SLC23A2: variants seen among roughly 807,000 people sequenced by gnomAD.
The protein encoded by SLC23A2 is solute carrier family 23 member 2, also known as Na(+)/L-ascorbic acid transporter 2.
A neutral mutation model predicts 73.3 loss-of-function variants in SLC23A2; 36 were observed. The ratio of observed to expected loss-of-function variants is 0.49; its 90% CI spans 0.38 to 0.65. SLC23A2 has a LOEUF of 0.65. Among genes scored for constraint, SLC23A2 ranks in the 30% least tolerant of loss-of-function variants. SLC23A2 has a pLI of 0.00. For synonymous variants in SLC23A2, 343 were observed against 327.3 expected, an observed-to-expected ratio of 1.05 and a Z score of -0.52; for missense variants, 507 against 841.6, an observed-to-expected ratio of 0.60 and a Z score of 4.92.
At chr20:4,985,199 T>A (rs2087805327) in intron 1 of SLC23A2, among the ~76,000 whole-genome samples, 1 of 151,402 alleles carries the variant, frequency 6.6e-6, no homozygotes, top group South Asian at 2.1e-4. Flanking sequence ...TCCACTTCTA[T>A]GTATCTACCA....
chr20:4,871,993 T>C (rs1930467130), intron 11 of SLC23A2, among the ~76,000 whole-genome samples: 1 of 151,896 alleles, frequency 6.6e-6, no homozygotes, highest in East Asian at 1.9e-4. Flanking sequence ...TCTATATATC[T>C]ATATCTATAT....
At chr20:4,919,195 C>A (rs895483818) in intron 3 of SLC23A2, among the ~76,000 whole-genome samples, 1 of 152,218 alleles carries the variant, frequency 6.6e-6, no homozygotes, top group Non-Finnish European at 1.5e-5. Flanking sequence ...GATGCAGCAG[C>A]CGATAGATCT....
intron 1 of SLC23A2, among the ~76,000 whole-genome samples, chr20:4,980,666 G>C (rs2122263934): frequency 6.6e-6 from 1 of 151,932 alleles, no homozygotes; most frequent in Admixed American, 6.6e-5. Context: ...TAATAGCTGG[G>C]ATTACAGGTG....
chr20:4,922,398 G>T (rs553277354), intron 3 of SLC23A2, among the ~76,000 whole-genome samples: 1 of 152,230 alleles, frequency 6.6e-6, no homozygotes, highest in Non-Finnish European at 1.5e-5. Flanking sequence ...GGATCACATG[G>T]GGTAGGAAAG....
In SLC23A2 at chr20:4,947,555, C is replaced by T. The variant is rs1429633042; in HGVS notation, c.-154-14839G>A. Among the ~76,000 whole-genome samples, 1 of 152,152 alleles carries T rather than the reference C, an allele frequency of 6.6e-6. No individual in the cohort carries two copies. Among genetic ancestry groups the T allele is most frequent in the African/African-American group, 2.4e-5 (1 of 41,432 alleles). ...AAGATAAAAACATGTGCATAATGAA[C>T]TATCAAGTCCCAGGCACAAACATGG... is the stretch of plus-strand genomic sequence containing the variant. On this transcript the variant is annotated intron_variant, in intron 2 of 16. Coordinates refer to ENST00000338244, the MANE Select transcript of SLC23A2 (RefSeq NM_005116.6). This position sits in a 1 kb window ranked among gnomAD's most constrained non-coding sequence, Gnocchi z 4.4.
chr20:4,913,274 C>A (rs538526800), intron 3 of SLC23A2, among the ~76,000 whole-genome samples: 7 of 152,206 alleles, frequency 4.6e-5, no homozygotes, highest in African/African-American at 1.7e-4. Context: ...GTGAGAGTAC[C>A]CTGAGCTGCC....
intron 12 of SLC23A2, chr20:4,869,463 G>A (rs1457459918): frequency 2.0e-5 from 3 of 146,842 alleles, no homozygotes; most frequent in Admixed American, 2.0e-4. Context: ...TCAAAGTAGT[G>A]CTCTCTATCT....
At chr20:4,961,463 T>G (rs1050104784) in intron 2 of SLC23A2, among the ~76,000 whole-genome samples, 2 of 152,186 alleles carry the variant, frequency 1.3e-5, no homozygotes, top group Non-Finnish European at 2.9e-5. Context: ...AAAGCAAGCT[T>G]GTCCAGCTCT....
At chr20:4,976,895 G>A (rs995019726) in intron 1 of SLC23A2, among the ~76,000 whole-genome samples, 12 of 152,010 alleles carry the variant, frequency 7.9e-5, no homozygotes, top group African/African-American at 2.9e-4. Context: ...AGAATCACTT[G>A]AATCAGGGGG....
At chr20:4,924,223 T>C (rs545775387) in intron 3 of SLC23A2, among the ~76,000 whole-genome samples, 1 of 151,980 alleles carries the variant, frequency 6.6e-6, no homozygotes, top group Non-Finnish European at 1.5e-5. Flanking sequence ...GACAGCAACT[T>C]GCCCCTTCTT....
intron 2 of SLC23A2, among the ~76,000 whole-genome samples, chr20:4,944,276 G>A (rs974546907): frequency 1.3e-4 from 20 of 152,198 alleles, no homozygotes; most frequent in African/African-American, 3.4e-4. Context: ...GTCTTGCTCC[G>A]TCGCCCAGGC....
chr20:4,885,315 ACT>A lies in SLC23A2; in HGVS notation c.572-494_572-493del, dbSNP rs1208366585. ...TTGTATTTTTGAGAGTACAGGTCTG[ACT>A]CTAATTTTCTTAAATTCCCTATCTT... On this transcript the variant is annotated intron_variant, in intron 7 of 16. Transcript: ENST00000338244. Among the ~76,000 whole-genome samples, 4 of 152,232 alleles carry A rather than the reference ACT, an allele frequency of 2.6e-5. No individual in the cohort carries two copies. In the East Asian group the frequency reaches 7.7e-4, roughly 29 times the overall value.
intron 2 of SLC23A2, among the ~76,000 whole-genome samples, chr20:4,939,059 T>G (rs1185055230): frequency 6.6e-6 from 1 of 152,060 alleles, no homozygotes; most frequent in Non-Finnish European, 1.5e-5. Flanking sequence ...CTGGGCAAGA[T>G]AGCAAGACCC....
intron 15 of SLC23A2, among the ~76,000 whole-genome samples, chr20:4,860,013 G>A (rs760883861): frequency 2.6e-5 from 4 of 152,156 alleles, no homozygotes; most frequent in African/African-American, 9.7e-5. Flanking sequence ...AGAAACCCTC[G>A]TACATGGCTA....
At chr20:4,932,747 C>CA in intron 2 of SLC23A2, 31 bp from the exon 3 acceptor site, 1 of 571,480 alleles carries the variant, frequency 1.7e-6, no homozygotes. Context: ...CAAATCACCC[C>CA]AAAGCATGAA....
chr20:4,947,841 G>A lies in SLC23A2; in HGVS notation c.-154-15125C>T, dbSNP rs1263639531. Among the ~76,000 whole-genome samples, 1 of 152,202 alleles carries A rather than the reference G, an allele frequency of 6.6e-6. No individual in the cohort carries two copies. Among genetic ancestry groups the A allele is most frequent in the Non-Finnish European group, 1.5e-5 (1 of 68,042 alleles). ...AAAAGTCATTCTGAAGGAAGCTGAG[G>A]AAAATTTGTGAGTTACTTTCAGGGA... is the stretch of plus-strand genomic sequence containing the variant. On this transcript the variant is annotated intron_variant, in intron 2 of 16. Transcript: ENST00000338244. The surrounding 1 kb of genome is among the most constrained non-coding windows in gnomAD (Gnocchi z 4.4).
At chr20:4,971,997 G>A (rs1192887619) in intron 1 of SLC23A2, among the ~76,000 whole-genome samples, 1 of 152,170 alleles carries the variant, frequency 6.6e-6, no homozygotes, top group African/African-American at 2.4e-5. Context: ...TGGGATATGA[G>A]CAGGTACACA....
intron 1 of SLC23A2, among the ~76,000 whole-genome samples, chr20:4,993,055 G>T (rs918787461): frequency 2.6e-5 from 4 of 151,738 alleles, no homozygotes; most frequent in South Asian, 4.2e-4. Flanking sequence ...GAGGCAGGTG[G>T]ATCACGAGGT....
intron 15 of SLC23A2, among the ~76,000 whole-genome samples, 166 bp downstream of exon 15, chr20:4,861,782 C>A (rs749511709): frequency 2.0e-5 from 3 of 152,162 alleles, no homozygotes; most frequent in South Asian, 4.1e-4. Context: ...AAGCCCACAG[C>A]GCTTCCAGGT....
Sources: gnomAD v4.1 joint callset for allele counts (sites outside exome capture counted in the v4.1 genomes callset) on GRCh38, gnomAD v4.1.1 for gene constraint, Gnocchi (gnomAD v3.1) non-coding constraint, MANE v1.5 for transcripts, NCBI Gene and HGNC (gene_info 2026-07-23, HGNC 2026-07-21) for gene names.